The following GFM2 variants were observed in gnomAD, a reference collection of about 807,000 sequenced individuals.
GFM2 encodes the protein GTP dependent ribosome recycling factor mitochondrial 2.
GFM2 carries 72 observed loss-of-function variants against 95.4 expected under a neutral mutation model. The observed-to-expected ratio is 0.76, with a 90% CI of 0.62 to 0.92. The LOEUF is 0.92. Ranked by LOEUF, GFM2 falls within the 40% of genes least tolerant of loss-of-function variation. The pLI, the probability that GFM2 is intolerant of heterozygous loss-of-function variation, is 0.00. For missense variants in GFM2, 825 were observed against 924.1 expected (o/e 0.89, Z 1.39); for synonymous variants, 276 against 317.5 (o/e 0.87, Z 1.39).
intron 8 of GFM2, among the ~76,000 whole-genome samples, chr5:74,746,622 G>A (rs566660238): frequency 6.6e-5 from 10 of 152,196 alleles, no homozygotes; most frequent in Non-Finnish European, 2.9e-5. Flanking sequence ...CGTATGCTAC[G>A]CTATTCATTT....
At chr5:74,722,802 CAG>C (rs1329517158) in intron 19 of GFM2, among the ~76,000 whole-genome samples, 4 of 152,090 alleles carry the variant, frequency 2.6e-5, no homozygotes, top group Non-Finnish European at 4.4e-5. Context: ...AACATGTGGT[CAG>C]AGTCACAGAA....
chr5:74,731,170 T>A (rs995356376), intron 16 of GFM2, among the ~76,000 whole-genome samples: 2 of 152,220 alleles, frequency 1.3e-5, no homozygotes, highest in Admixed American at 6.5e-5. Context: ...GAATGAGGGC[T>A]ATACCTTGTA....
chr5:74,763,883 T>C lies in GFM2; in HGVS notation c.-24-117A>G, dbSNP rs72764654. 69,474 of 535,250 alleles carry C rather than the reference T, an allele frequency of 0.13. 5,501 individuals carry two copies. The highest frequency in any genetic ancestry group is 0.27 in the African/African-American group (14,435 of 52,876). 33.2% of individuals were successfully genotyped at this position (535,250 alleles called of 1,614,324 possible). On this transcript the variant is annotated intron_variant, in intron 1 of 20. Transcript: ENST00000296805. ...GTAAAATGTATTACTTTTAAAAAGTTGGAACAATATTTTTAGCTACCAAAA... is the reference window on the plus strand; with the variant it reads ...GTAAAATGTATTACTTTTAAAAAGTCGGAACAATATTTTTAGCTACCAAAA...
intron 6 of GFM2, among the ~76,000 whole-genome samples, 190 bp downstream of exon 6, chr5:74,751,177 GT>G (rs1026940779): frequency 6.6e-6 from 1 of 152,168 alleles, no homozygotes; most frequent in African/African-American, 2.4e-5. Flanking sequence ...AGATAAAAAA[GT>G]TCTGGACATC....
intron 6 of GFM2, 21 bp downstream of exon 6, chr5:74,751,347 G>T: frequency 6.2e-7 from 1 of 1,601,548 alleles, no homozygotes. Flanking sequence ...GCATCTCTGT[G>T]TTACTGGAAT....
chr5:74,722,227 C>T (rs910418564), intron 20 of GFM2, 152 bp downstream of exon 20: 41 of 671,262 alleles, frequency 6.1e-5, no homozygotes, highest in Non-Finnish European at 9.0e-5. Context: ...ATTCAAAGTC[C>T]TAACCATTCC....
Position 74,767,091 on chromosome 5 carries a change from C to T in GFM2, c.-178G>A. The T allele has an allele frequency of 2.2e-6, 1 of 457,730 alleles. No individual in the cohort carries two copies. 28.4% of individuals were successfully genotyped at this position (457,730 alleles called of 1,614,324 possible). A position where few individuals can be genotyped will look rare whatever the true frequency, so the allele number is the denominator to read the frequency against. On this transcript the variant is annotated 5_prime_UTR_variant, in exon 1 of 21. Coordinates refer to ENST00000296805, the MANE Select transcript of GFM2 (RefSeq NM_032380.5). ...AAACGAAAAGAAAATAGGCTTTCTC[C>T]GCTCTACCGCCTCGGGCAGCCACAC...
At chr5:74,754,618 G>T (rs1333010495) in intron 5 of GFM2, among the ~76,000 whole-genome samples, 1 of 151,870 alleles carries the variant, frequency 6.6e-6, no homozygotes, top group African/African-American at 2.4e-5. Context: ...AGACAAAGAG[G>T]GATATTATAC....
chr5:74,750,754 G>GGT (rs1231944133), intron 6 of GFM2, 87 bp from the exon 7 acceptor site: 41 of 905,808 alleles, frequency 4.5e-5, no homozygotes, highest in Admixed American at 3.5e-4. Flanking sequence ...CCTGGGGAGG[G>GGT]GTGTGTGTGT....
At chr5:74,735,806 G>A (rs931927150) in intron 15 of GFM2, among the ~76,000 whole-genome samples, 8 of 152,062 alleles carry the variant, frequency 5.3e-5, no homozygotes, top group African/African-American at 1.2e-4. Context: ...AAATGAAGGC[G>A]GAAGTTTCAC....
At position 74,740,006 on chromosome 5, in the gene GFM2, C is replaced by T. The variant is rs1743033762; in HGVS notation, c.1062G>A (p.Glu354=). 1.3e-6 allele frequency: 2 copies of T among 1,558,076 alleles called. No homozygotes were observed. Among genetic ancestry groups the T allele is most frequent in the Non-Finnish European group, 1.7e-6 (2 of 1,155,838 alleles). The part of the protein sequence containing the change: ...AVTMYLPSPE[E]RNYEFLQWYK... ...ATACTTACAGAAATTCATAGTTACG[C>T]TCTTCAGGTGAAGGTAAGTACATAG... Residue 354 remains glutamate, a synonymous_variant, in exon 12 of 21, where the codon GAG becomes GAA. Transcript: ENST00000296805.
intron 10 of GFM2, among the ~76,000 whole-genome samples, chr5:74,743,153 C>T (rs894811386): frequency 6.6e-6 from 1 of 152,172 alleles, no homozygotes; most frequent in African/African-American, 2.4e-5. Context: ...TCTGATTACT[C>T]TGGATCCATG....
chr5:74,762,100 C>T (rs1392314191), intron 2 of GFM2, among the ~76,000 whole-genome samples: 2 of 152,106 alleles, frequency 1.3e-5, no homozygotes, highest in African/African-American at 2.4e-5. Context: ...AAATGGAATA[C>T]AGAAATATAT....
intron 18 of GFM2, 77 bp downstream of exon 18, chr5:74,725,864 T>G: frequency 3.4e-6 from 5 of 1,476,398 alleles, no homozygotes; most frequent in Non-Finnish European, 4.7e-6. Flanking sequence ...GGAAAAAGAC[T>G]GAAATAATCT....
chr5:74,760,931 G>T lies in GFM2; in HGVS notation c.119C>A (p.Pro40Gln). Reference sequence around the variant, plus strand: ...TAGAGAACTGCAATTTCTTCCAAGCGGCACATGTGGCTTTAATCTTTTTAA... The same window carrying T: ...TAGAGAACTGCAATTTCTTCCAAGCTGCACATGTGGCTTTAATCTTTTTAA... Reference protein sequence around the residue: ...ASLKRLKPHVPLGRNCSSLPG... With the variant: ...ASLKRLKPHVQLGRNCSSLPG... Residue 40 changes from proline to glutamine, a missense_variant, in exon 3 of 21, where the codon CCG (proline) becomes CAG (glutamine). Physicochemically the swap from Pro to Gln is moderately conservative, Grantham distance 76. Transcript: ENST00000296805. 1 of 1,610,168 alleles carries T rather than the reference G, an allele frequency of 6.2e-7. No individual in the cohort carries two copies. Among genetic ancestry groups the T allele is most frequent in the Non-Finnish European group, 8.5e-7 (1 of 1,176,936 alleles).
intron 7 of GFM2, among the ~76,000 whole-genome samples, chr5:74,750,262 T>A (rs1381338164): frequency 1.3e-5 from 2 of 152,182 alleles, no homozygotes; most frequent in African/African-American, 4.8e-5. Flanking sequence ...AATAACAGTG[T>A]ATAATCAATC....
chr5:74,759,184 T>G (rs1476898258), intron 4 of GFM2, among the ~76,000 whole-genome samples, 185 bp downstream of exon 4: 1 of 151,770 alleles, frequency 6.6e-6, no homozygotes, highest in Non-Finnish European at 1.5e-5. Flanking sequence ...AAGTGTGCTG[T>G]TGTTACATTA....
chr5:74,745,580 G>T, intron 10 of GFM2, 98 bp downstream of exon 10: 1 of 971,104 alleles, frequency 1.0e-6, no homozygotes, highest in Non-Finnish European at 1.5e-6. Flanking sequence ...TCCACAGGAG[G>T]TCCTGCAACC....
At chr5:74,762,573 G>T (rs10942719) in intron 2 of GFM2, among the ~76,000 whole-genome samples, 98,911 of 152,054 alleles carry the variant, frequency 0.65, 33,057 homozygotes, top group African/African-American at 0.82. Context: ...AGCCAAGAAT[G>T]TTCACCTTTT....
Sources: allele counts gnomAD v4.1 joint callset (sites outside exome capture counted in the v4.1 genomes callset), GRCh38; gene constraint gnomAD v4.1.1; transcripts MANE v1.5; gene names NCBI Gene and HGNC (gene_info 2026-07-23, HGNC 2026-07-21).